The following KANK1 variants were observed in gnomAD, a reference collection of about 807,000 sequenced individuals.
KANK1 encodes KN motif and ankyrin repeat domains 1, also known as KN motif and ankyrin repeat domain-containing protein 1.
KANK1 carries 109 observed loss-of-function variants against 106.2 expected under a neutral mutation model. The ratio of observed to expected loss-of-function variants is 1.03; its 90% CI spans 0.88 to 1.20. KANK1 has a LOEUF of 1.20. Among genes scored for constraint, KANK1 ranks in the 50% most tolerant of loss-of-function variants. The pLI is 0.00. For missense variants in KANK1, 2,399 were observed against 1,710.7 expected (o/e 1.40, Z -7.10); for synonymous variants, 873 against 652.2 (o/e 1.34, Z -5.16).
intron 1 of KANK1, among the ~76,000 whole-genome samples, chr9:583,556 C>T (rs867730315): frequency 6.6e-6 from 1 of 151,986 alleles, no homozygotes; most frequent in Non-Finnish European, 1.5e-5. Flanking sequence ...AAGGATCCCT[C>T]AGTATCCTTA....
chr9:676,679 C>T (rs1217851059), intron 1 of KANK1, among the ~76,000 whole-genome samples: 1 of 152,106 alleles, frequency 6.6e-6, no homozygotes, highest in African/African-American at 2.4e-5. Flanking sequence ...TGTGTAGAGA[C>T]CCCCTTTCAG....
At chr9:482,635 C>T (rs957344883) in intron 3 of KANK1, among the ~76,000 whole-genome samples, 2 of 152,316 alleles carry the variant, frequency 1.3e-5, no homozygotes, top group South Asian at 2.1e-4. Flanking sequence ...ATGTGGTTGA[C>T]GGTTATCACT....
At chr9:605,165 G>T (rs1156618274) in intron 1 of KANK1, among the ~76,000 whole-genome samples, 1 of 151,434 alleles carries the variant, frequency 6.6e-6, no homozygotes, top group Non-Finnish European at 1.5e-5. Context: ...GCTGGGTGTG[G>T]TGGTACGCGC....
chr9:722,356 G>C (rs750043461), intron 3 of KANK1, among the ~76,000 whole-genome samples: 1 of 150,780 alleles, frequency 6.6e-6, no homozygotes, highest in African/African-American at 2.4e-5. Context: ...TGCCTCTCTT[G>C]CTCTCTCTCT....
intron 1 of KANK1, among the ~76,000 whole-genome samples, chr9:614,830 C>T (rs1021000067): frequency 2.6e-5 from 4 of 152,150 alleles, no homozygotes; most frequent in East Asian, 1.9e-4. Context: ...AAAATCACTA[C>T]AGCCCATCAC....
chr9:481,936 CA>C (rs1469012465), intron 3 of KANK1, among the ~76,000 whole-genome samples: 2 of 152,128 alleles, frequency 1.3e-5, no homozygotes, highest in Non-Finnish European at 2.9e-5. Context: ...ACAAGAAGCC[CA>C]GGGGCGAGGA....
intron 1 of KANK1, among the ~76,000 whole-genome samples, chr9:649,052 T>C (rs1840329864): frequency 6.6e-6 from 1 of 152,212 alleles, no homozygotes; most frequent in South Asian, 2.1e-4. Context: ...CTGACGTTAT[T>C]GTCAGCCTTT....
At chr9:644,322 T>C (rs1839180288) in intron 1 of KANK1, among the ~76,000 whole-genome samples, 3 of 150,984 alleles carry the variant, frequency 2.0e-5, no homozygotes, top group Admixed American at 2.0e-4. Flanking sequence ...ACCTATGATT[T>C]GTGTGTATGT....
At chr9:487,132 T>G (rs2058306999) in intron 3 of KANK1, among the ~76,000 whole-genome samples, 2 of 152,164 alleles carry the variant, frequency 1.3e-5, no homozygotes. Context: ...GGAGGGGAGC[T>G]GCAGGCACGG....
intron 1 of KANK1, among the ~76,000 whole-genome samples, chr9:607,167 C>G (rs1829413872): frequency 6.6e-6 from 1 of 151,730 alleles, no homozygotes; most frequent in African/African-American, 2.4e-5. Flanking sequence ...CTAAGGTAAA[C>G]TTTGGCATAT....
chr9:738,797 G>A (rs1239560608), intron 8 of KANK1, among the ~76,000 whole-genome samples: 1 of 152,224 alleles, frequency 6.6e-6, no homozygotes, highest in Admixed American at 6.5e-5. Context: ...TAAGAAGCAT[G>A]TCTCACGTTC....
intron 1 of KANK1, among the ~76,000 whole-genome samples, chr9:515,245 T>A (rs1375361641): frequency 6.6e-6 from 1 of 150,440 alleles, no homozygotes; most frequent in African/African-American, 2.5e-5. Flanking sequence ...CTCGGGAGGC[T>A]GAGGCAGGAG....
intron 3 of KANK1, among the ~76,000 whole-genome samples, chr9:488,457 T>G (rs567881903): frequency 7.9e-5 from 12 of 151,856 alleles, no homozygotes; most frequent in African/African-American, 2.9e-4. Context: ...TCATTCATCC[T>G]CAGATTGTCT....
chr9:563,848 A>G (rs1031292890), intron 1 of KANK1, among the ~76,000 whole-genome samples: 2 of 152,172 alleles, frequency 1.3e-5, no homozygotes, highest in African/African-American at 2.4e-5. Context: ...AAAGTGATAT[A>G]AAATACCTAG....
rs192315200 is a variant in KANK1, at chr9:730,772, C to T, written c.2897-386C>T. 1.5e-3 allele frequency: 267 copies of T among 181,462 alleles called. 2 individuals are homozygous for T. The highest frequency in any genetic ancestry group is 6.2e-3 in the African/African-American group (261 of 41,840). 11.2% of individuals were successfully genotyped at this position (181,462 alleles called of 1,614,324 possible). A position where few individuals can be genotyped will look rare whatever the true frequency, so the allele number is the denominator to read the frequency against. On this transcript the variant is annotated intron_variant, in intron 4 of 11. Coordinates refer to ENST00000382297, the MANE Select transcript of KANK1 (RefSeq NM_015158.5). Reference sequence around the variant, plus strand: ...AATATTTTAAATAGCATTTTATTCACGTTCTGGCAGGCATAAGTTTTTTCA... The same window carrying T: ...AATATTTTAAATAGCATTTTATTCATGTTCTGGCAGGCATAAGTTTTTTCA...
intron 3 of KANK1, among the ~76,000 whole-genome samples, chr9:723,042 T>G (rs1829768718): frequency 1.3e-5 from 2 of 151,792 alleles, no homozygotes; most frequent in East Asian, 3.9e-4. Context: ...TTGAAAAGAG[T>G]ATGGGTCGAA....
chr9:693,472 A>G (rs16922643), intron 2 of KANK1: 227,508 of 985,008 alleles, frequency 0.23, 26,784 homozygotes, highest in African/African-American at 0.25. Flanking sequence ...CATATGCCTG[A>G]AGAGTATGAG....
chr9:613,050 G>A (rs545584250), intron 1 of KANK1, among the ~76,000 whole-genome samples: 2 of 152,032 alleles, frequency 1.3e-5, no homozygotes, highest in Non-Finnish European at 2.9e-5. Context: ...TGAAGATATT[G>A]GGACAGAAGG....
At chr9:541,126 A>G (rs1174474374) in intron 1 of KANK1, among the ~76,000 whole-genome samples, 2 of 152,012 alleles carry the variant, frequency 1.3e-5, no homozygotes, top group African/African-American at 4.8e-5. Flanking sequence ...GAAAAACGAA[A>G]AAAAAACACA....
Sources: gnomAD v4.1 joint callset for allele counts (sites outside exome capture counted in the v4.1 genomes callset) on GRCh38, gnomAD v4.1.1 for gene constraint, MANE v1.5 for transcripts, NCBI Gene and HGNC (gene_info 2026-07-23, HGNC 2026-07-21) for gene names.